ACIN1: variants seen among roughly 807,000 people sequenced by gnomAD.
ACIN1 encodes apoptotic chromatin condensation inducer in the nucleus.
Under a neutral mutation model 146.6 loss-of-function variants are expected in ACIN1, and 16 were observed. The ratio of observed to expected loss-of-function variants is 0.11; its 90% CI spans 0.07 to 0.17. ACIN1 has a LOEUF of 0.17. Ranked by LOEUF, ACIN1 falls within the 10% of genes least tolerant of loss-of-function variation. The pLI, the probability that ACIN1 is intolerant of heterozygous loss-of-function variation, is 1.00. For missense variants in ACIN1, 1,357 were observed against 1,609.3 expected, an observed-to-expected ratio of 0.84 and a Z score of 2.68; for synonymous variants, 569 against 582.7, an observed-to-expected ratio of 0.98 and a Z score of 0.34.
chr14:23,062,749 G>A (rs1594743012), intron 14 of ACIN1, 180 bp downstream of exon 14: 2 of 874,852 alleles, frequency 2.3e-6, no homozygotes, highest in East Asian at 5.3e-5. Flanking sequence ...ACCCTGCAGG[G>A]CAACAGCTTT....
chr14:23,082,352 A>G (rs189525755), intron 4 of ACIN1, among the ~76,000 whole-genome samples: 1 of 152,250 alleles, frequency 6.6e-6, no homozygotes, highest in Admixed American at 6.5e-5. Flanking sequence ...TCAGCGCCCT[A>G]AAGTTCCTGA....
intron 6 of ACIN1, among the ~76,000 whole-genome samples, 174 bp downstream of exon 6, chr14:23,079,373 G>C (rs916653774): frequency 6.6e-6 from 1 of 152,156 alleles, no homozygotes; most frequent in Admixed American, 6.5e-5. Flanking sequence ...CCCATTTCGG[G>C]AATCAGTTAA....
chr14:23,085,305 A>G (rs556742332), intron 4 of ACIN1, among the ~76,000 whole-genome samples: 1 of 152,378 alleles, frequency 6.6e-6, no homozygotes, highest in East Asian at 1.9e-4. Flanking sequence ...ACTGCACTCC[A>G]GCCTGGGCGA....
At chr14:23,062,589 C>G in intron 14 of ACIN1, 66 bp from the exon 15 acceptor site, 1 of 1,436,500 alleles carries the variant, frequency 7.0e-7, no homozygotes, top group Non-Finnish European at 9.8e-7. Flanking sequence ...CTTTAGATTT[C>G]CCGAGCTGCT....
chr14:23,083,708 G>A (rs2048010693), intron 4 of ACIN1, among the ~76,000 whole-genome samples: 2 of 152,038 alleles, frequency 1.3e-5, no homozygotes, highest in Non-Finnish European at 1.5e-5. Flanking sequence ...CAGCCTGGGC[G>A]ACAGAGCGAG....
intron 4 of ACIN1, among the ~76,000 whole-genome samples, chr14:23,085,228 G>C (rs2048058742): frequency 6.6e-6 from 1 of 152,088 alleles, no homozygotes. Flanking sequence ...CCAGCTACTT[G>C]GGATGCTGAG....
chr14:23,067,158 TAAAACAGGA>T lies in ACIN1; in HGVS notation c.2266-1159_2266-1151del. On this transcript the variant is annotated intron_variant, in intron 9 of 18. Coordinates refer to ENST00000605057, the MANE Select transcript of ACIN1 (RefSeq NM_001386863.1). This position sits in a 1 kb window ranked among gnomAD's most constrained non-coding sequence, Gnocchi z 4.6. ...ACAAAACAAAAAAAAAGGTCTTAAT[TAAAACAGGA>T]AAAACATGAACCAAATAAATAAATA... Among the ~76,000 whole-genome samples, 1 of 143,312 alleles carries T rather than the reference TAAAACAGGA, an allele frequency of 7.0e-6. No homozygotes were observed. 94.0% of individuals were successfully genotyped at this position (143,312 alleles called of 152,430 possible).
In ACIN1 at chr14:23,063,476, C is replaced by T; in HGVS notation, c.2697G>A (p.Glu899=). The change falls in exon 13 of 19, where the codon GAG becomes GAA. Residue 899 remains glutamate (E), a synonymous_variant. Coordinates refer to ENST00000605057, the MANE Select transcript of ACIN1 (RefSeq NM_001386863.1). Reference sequence around the variant, plus strand: ...GCTCTGCAGGTGGGGGCAAGGCCACCTCTACTGACACCTGGGGAGGTACAG... The same window carrying T: ...GCTCTGCAGGTGGGGGCAAGGCCACTTCTACTGACACCTGGGGAGGTACAG... ...EPPVPPQVSV[E]VALPPPAEHE... 6.2e-6 allele frequency: 10 copies of T among 1,614,196 alleles called. No homozygotes were observed. Among genetic ancestry groups the T allele is most frequent in the Non-Finnish European group, 8.5e-6 (10 of 1,180,040 alleles).
chr14:23,062,117 G>T (rs1462506665), intron 16 of ACIN1, 51 bp downstream of exon 16: 2 of 1,463,830 alleles, frequency 1.4e-6, no homozygotes, highest in African/African-American at 1.4e-5. Context: ...AAATCTAGCA[G>T]ATAATGGCTT....
intron 8 of ACIN1, among the ~76,000 whole-genome samples, chr14:23,070,493 A>G (rs1325893104): frequency 6.6e-6 from 1 of 151,880 alleles, no homozygotes; most frequent in Non-Finnish European, 1.5e-5. Context: ...CCCCAAGAAC[A>G]CCAAACCCAC....
chr14:23,061,649 G>C, intron 16 of ACIN1, 27 bp from the exon 17 acceptor site: 1 of 1,502,480 alleles, frequency 6.7e-7, no homozygotes, highest in Non-Finnish European at 8.9e-7. Context: ...GACAAGGACA[G>C]TTAGGATAGA....
chr14:23,061,529 GT>G lies in ACIN1; in HGVS notation c.3192del (p.Pro1066ArgfsTer106). The part of the protein sequence containing the change: ...GIPRPLHPPP[P>X]PPVQPPQHPR... ...GGGTGCTGTGGTGGCTGGACCGGGGGTGGGGGTGGGGGGTGCAGGGGCCGTG... is the reference window on the plus strand; with the variant it reads ...GGGTGCTGTGGTGGCTGGACCGGGGGGGGGGTGGGGGGTGCAGGGGCCGTG... On this transcript the variant is annotated frameshift_variant, in exon 17 of 19. Transcript: ENST00000605057. LOFTEE classifies it high-confidence loss of function. 1 of 1,603,148 alleles carries G rather than the reference GT, an allele frequency of 6.2e-7. No individual in the cohort carries two copies. Among genetic ancestry groups the G allele is most frequent in the Non-Finnish European group, 8.5e-7 (1 of 1,175,318 alleles).
chr14:23,090,717 A>C, intron 2 of ACIN1, 84 bp from the exon 3 acceptor site: 1 of 1,054,874 alleles, frequency 9.5e-7, no homozygotes, highest in Non-Finnish European at 1.4e-6. Context: ...GCAAAGGTCC[A>C]CTCCTTATAG....
At chr14:23,081,961 C>T (rs1177615964) in intron 4 of ACIN1, 125 bp from the exon 5 acceptor site, 25 of 683,590 alleles carry the variant, frequency 3.7e-5, no homozygotes, top group Non-Finnish European at 1.2e-5. Flanking sequence ...ATATCTGTAT[C>T]GGTTTCTTTG....
intron 12 of ACIN1, among the ~76,000 whole-genome samples, 192 bp from the exon 13 acceptor site, chr14:23,063,769 G>C (rs561287624): frequency 4.6e-5 from 7 of 152,322 alleles, no homozygotes; most frequent in African/African-American, 1.7e-4. Flanking sequence ...GGAAAACTAA[G>C]ACAGGAGTTA....
In ACIN1 at chr14:23,079,523, C is replaced by T. The variant is rs367802510; in HGVS notation, c.1788+24G>A. On this transcript the variant is annotated intron_variant, in intron 6 of 18. Transcript: ENST00000605057. Reference sequence around the variant, plus strand: ...ACTGGAATATGACAGAACATTAATACACCCGGGATTCTCTCATACTCACTT... The same window carrying T: ...ACTGGAATATGACAGAACATTAATATACCCGGGATTCTCTCATACTCACTT... 1.9e-5 allele frequency: 30 copies of T among 1,607,728 alleles called. No homozygotes were observed. In the Middle Eastern group the frequency reaches 8.2e-4, roughly 44 times the overall value.
At chr14:23,069,127 G>GA (rs1203000990) in intron 9 of ACIN1, 1 of 1,011,520 alleles carries the variant, frequency 9.9e-7, no homozygotes, top group Non-Finnish European at 1.2e-6. Context: ...AAAAAGGAGG[G>GA]AAAGCTAAAG....
chr14:23,090,400 G>A, intron 3 of ACIN1, 122 bp downstream of exon 3: 2 of 924,006 alleles, frequency 2.2e-6, no homozygotes, highest in African/African-American at 1.7e-5. Flanking sequence ...GGCTATGAAA[G>A]CAAGTAAGTA....
rs1473028954 is a variant in ACIN1, at chr14:23,093,362, T to A, written c.204+117A>T. On this transcript the variant is annotated intron_variant, in intron 2 of 18. Transcript: ENST00000605057. Reference sequence around the variant, plus strand: ...GTCCTGGTTTGAGAACATTTCTGACTAAGAGAACTTAGGAAAACAGTCATG... The same window carrying A: ...GTCCTGGTTTGAGAACATTTCTGACAAAGAGAACTTAGGAAAACAGTCATG... 7.6e-6 allele frequency: 8 copies of A among 1,049,680 alleles called. No homozygotes were observed. The Admixed American group carries it at 1.6e-4, about 21-fold the overall frequency. The allele number at this position is 1,049,680 out of a possible 1,614,324, so 65.0% of individuals were successfully genotyped here.
Sources: allele counts gnomAD v4.1 joint callset (sites outside exome capture counted in the v4.1 genomes callset), GRCh38; gene constraint gnomAD v4.1.1; non-coding constraint Gnocchi (gnomAD v3.1); transcripts MANE v1.5; gene names NCBI Gene and HGNC (gene_info 2026-07-23, HGNC 2026-07-21).